The following SEPHS1 variants were observed in gnomAD, a reference collection of about 807,000 sequenced individuals.
SEPHS1 encodes zincore component SEPHS1.
SEPHS1 carries 7 observed loss-of-function variants against 39.2 expected under a neutral mutation model. The observed-to-expected ratio is 0.18, with a 90% CI of 0.10 to 0.34. The LOEUF (loss-of-function observed/expected upper bound fraction) is 0.34. Ranked by LOEUF, SEPHS1 falls within the 10% of genes least tolerant of loss-of-function variation. SEPHS1 has a pLI of 1.00. For missense variants in SEPHS1, 253 were observed against 514.5 expected (o/e 0.49, Z 4.92); for synonymous variants, 190 against 195.5 (o/e 0.97, Z 0.23).
Position 13,318,991 on chromosome 10 carries a change from T to C in SEPHS1, c.*151A>G. The C allele has an allele frequency of 2.9e-6, 2 of 695,462 alleles. No individual in the cohort carries two copies. Among genetic ancestry groups the C allele is most frequent in the Admixed American group, 3.3e-5 (1 of 30,194 alleles). The allele number at this position is 695,462 out of a possible 1,614,324, so 43.1% of individuals were successfully genotyped here. ...AACAGGAAAAAAAGGCAATGGATTT[T>C]ATTTTATTAATTGTATCCACTTACA... On this transcript the variant is annotated 3_prime_UTR_variant, in exon 9 of 9. Transcript: ENST00000327347.
intron 2 of SEPHS1, chr10:13,340,823 CCA>C (rs1833761277): frequency 6.6e-6 from 1 of 152,214 alleles, no homozygotes; most frequent in African/African-American, 2.4e-5. Flanking sequence ...ACCTGTGCCA[CCA>C]CAGTCTACTA....
intron 5 of SEPHS1, among the ~76,000 whole-genome samples, chr10:13,331,032 T>G (rs1833451658): frequency 6.6e-6 from 1 of 152,076 alleles, no homozygotes; most frequent in South Asian, 2.1e-4. Flanking sequence ...ACCCGCCCTG[T>G]GTCCAAGTGT....
rs796719214 is a variant in SEPHS1 at position 13,321,858 on chromosome 10, C to T, written c.964+977G>A. The stretch of plus-strand genomic sequence containing the variant: ...GAAGAGGAGGACGTCCCACAAGTTC[C>T]GGACAGATGTGGCCACCAAATTAAT... On this transcript the variant is annotated intron_variant, in intron 8 of 8. Transcript: ENST00000327347. Among the ~76,000 whole-genome samples, 10 of 152,098 alleles carry T rather than the reference C, an allele frequency of 6.6e-5. No homozygotes were observed. The South Asian group carries it at 1.2e-3, about 19-fold the overall frequency.
chr10:13,339,559 A>G (rs1833731292), intron 2 of SEPHS1, among the ~76,000 whole-genome samples: 1 of 151,988 alleles, frequency 6.6e-6, no homozygotes, highest in Admixed American at 6.6e-5. Context: ...GAACACAGTG[A>G]GCAGCCCTAC....
At chr10:13,345,942 T>C (rs1833909057) in intron 1 of SEPHS1, among the ~76,000 whole-genome samples, 1 of 152,256 alleles carries the variant, frequency 6.6e-6, no homozygotes, top group African/African-American at 2.4e-5. Flanking sequence ...AGGGCACAAC[T>C]TAAAAACTAC....
At chr10:13,344,135 C>T (rs1339952318) in intron 2 of SEPHS1, among the ~76,000 whole-genome samples, 4 of 152,130 alleles carry the variant, frequency 2.6e-5, no homozygotes, top group African/African-American at 7.2e-5. Flanking sequence ...CACCGTAACA[C>T]GCTTTTCGCC....
Position 13,336,309 on chromosome 10 carries a change from T to C in SEPHS1, c.339A>G (p.Ala113=), listed in dbSNP as rs377241729. 1.1e-5 allele frequency: 17 copies of C among 1,613,774 alleles called. No individual in the cohort carries two copies. In the African/African-American group the frequency reaches 2.0e-4, roughly 19 times the overall value. Reference sequence around the variant, plus strand: ...TATTGTCACATTCCGTGACCCCCATTGCATAGAGGTCACTGAGGACATTGG... The same window carrying C: ...TATTGTCACATTCCGTGACCCCCATCGCATAGAGGTCACTGAGGACATTGG... ...ACANVLSDLY[A]MGVTECDNML... Residue 113 remains alanine, a synonymous_variant, in exon 4 of 9, where the codon GCA becomes GCG. Coordinates refer to ENST00000327347, the MANE Select transcript of SEPHS1 (RefSeq NM_012247.5).
chr10:13,339,443 C>CA (rs1833727097), intron 2 of SEPHS1, among the ~76,000 whole-genome samples: 2 of 152,130 alleles, frequency 1.3e-5, no homozygotes, highest in South Asian at 4.2e-4. Flanking sequence ...CAGTAGTAGT[C>CA]AAGATACGCT....
chr10:13,328,169 C>T (rs563664953), intron 7 of SEPHS1, among the ~76,000 whole-genome samples, 182 bp downstream of exon 7: 1 of 152,074 alleles, frequency 6.6e-6, no homozygotes, highest in South Asian at 2.1e-4. Context: ...TTATAAAGCA[C>T]TGTAAGTCAG....
intron 2 of SEPHS1, among the ~76,000 whole-genome samples, chr10:13,342,518 G>A (rs1049697478): frequency 5.3e-5 from 8 of 151,832 alleles, no homozygotes; most frequent in South Asian, 2.1e-4. Context: ...CCTGGGAAGC[G>A]GAGGTTGCAG....
At chr10:13,340,509 G>C (rs1833752158) in intron 2 of SEPHS1, among the ~76,000 whole-genome samples, 3 of 152,062 alleles carry the variant, frequency 2.0e-5, no homozygotes, top group African/African-American at 7.2e-5. Context: ...CTCCCTAAAT[G>C]GATAATTCTG....
intron 7 of SEPHS1, 136 bp from the exon 8 acceptor site, chr10:13,323,183 C>G: frequency 1.4e-6 from 1 of 715,510 alleles, no homozygotes. Flanking sequence ...AATGTAAAAT[C>G]AACCAAAGAC....
intron 1 of SEPHS1, chr10:13,345,303 T>C (rs1001086504): frequency 4.5e-5 from 8 of 176,616 alleles, no homozygotes; most frequent in African/African-American, 1.2e-4. Flanking sequence ...CCGTGCCACC[T>C]TGAACAGCAA....
chr10:13,340,106 GC>G (rs1230898151), intron 2 of SEPHS1, among the ~76,000 whole-genome samples: 6 of 152,072 alleles, frequency 3.9e-5, no homozygotes, highest in African/African-American at 1.4e-4. Context: ...TTAATATTCT[GC>G]GTAAGTGAAA....
At chr10:13,342,971 G>A (rs1252639647) in intron 2 of SEPHS1, among the ~76,000 whole-genome samples, 1 of 152,098 alleles carries the variant, frequency 6.6e-6, no homozygotes, top group Non-Finnish European at 1.5e-5. Flanking sequence ...CTGACCTTGA[G>A]TGATCTGCCC....
At position 13,333,809 on chromosome 10, in the gene SEPHS1, C is replaced by A. The variant is rs780407181; in HGVS notation, c.560+8G>T. On this transcript the variant is annotated splice_region_variant and intron_variant, in intron 5 of 8. Transcript: ENST00000327347. ...AGGTCAGGTGATATGAAACAAAAAT[C>A]AACTTACATGATAAATTCATTGGGT... 3.1e-6 allele frequency: 5 copies of A among 1,612,008 alleles called. No individual in the cohort carries two copies. In the East Asian group the frequency reaches 1.1e-4, roughly 36 times the overall value.
At chr10:13,319,764 A>G (rs533671998) in intron 8 of SEPHS1, among the ~76,000 whole-genome samples, 1 of 152,174 alleles carries the variant, frequency 6.6e-6, no homozygotes, top group East Asian at 1.9e-4. Flanking sequence ...ACAGGAATGA[A>G]CCACCACTCC....
chr10:13,346,545 C>A (rs990244189), intron 1 of SEPHS1, among the ~76,000 whole-genome samples: 5 of 152,092 alleles, frequency 3.3e-5, no homozygotes, highest in Admixed American at 3.3e-4. Flanking sequence ...AGTCTCCCTG[C>A]CCAAAAAGAG....
chr10:13,336,798 T>C (rs61851593), intron 3 of SEPHS1, among the ~76,000 whole-genome samples: 13,227 of 151,824 alleles, frequency 0.087, 677 homozygotes, highest in African/African-American at 0.14. Flanking sequence ...ATTCTAAAAA[T>C]GGCTGGCTTT....
Sources: gnomAD v4.1 joint callset for allele counts (sites outside exome capture counted in the v4.1 genomes callset) on GRCh38, gnomAD v4.1.1 for gene constraint, MANE v1.5 for transcripts, NCBI Gene and HGNC (gene_info 2026-07-23, HGNC 2026-07-21) for gene names.